ZDHHC7: variants seen among roughly 807,000 people sequenced by gnomAD.
The protein encoded by ZDHHC7 is zDHHC palmitoyltransferase 7.
ZDHHC7 carries 12 observed loss-of-function variants against 34.1 expected under a neutral mutation model. The observed-to-expected ratio is 0.35, with a 90% CI of 0.23 to 0.57. The LOEUF (loss-of-function observed/expected upper bound fraction) is 0.57, where lower values mean the gene tolerates loss of function less well. Among genes scored for constraint, ZDHHC7 ranks in the 20% least tolerant of loss-of-function variants. The pLI is 0.84. For missense variants in ZDHHC7, 388 were observed against 402.7 expected (o/e 0.96, Z 0.31); for synonymous variants, 185 against 155.4 (o/e 1.19, Z -1.42).
intron 1 of ZDHHC7, among the ~76,000 whole-genome samples, chr16:85,001,203 C>G (rs6564091): frequency 0.63 from 95,598 of 151,886 alleles, 32,296 homozygotes; most frequent in African/African-American, 0.88. Context: ...GGGCGCGGTG[C>G]CTCATGCCCG....
chr16:85,014,882 T>C (rs1187424111), upstream of ZDHHC7, among the ~76,000 whole-genome samples: 2 of 152,040 alleles, frequency 1.3e-5, no homozygotes, highest in East Asian at 3.8e-4. Flanking sequence ...ATTGGTTCAG[T>C]CTGGAAAGGT....
Position 84,976,175 on chromosome 16 carries a change from T to G in ZDHHC7, c.*168A>C, listed in dbSNP as rs2072294301. The G allele has an allele frequency of 1.2e-6, 1 of 859,178 alleles. No individual in the cohort carries two copies. Among genetic ancestry groups the G allele is most frequent in the African/African-American group, 1.7e-5 (1 of 58,008 alleles). 53.2% of individuals were successfully genotyped at this position (859,178 alleles called of 1,614,324 possible). ...GTACAGGTGGGGACTGAGAGCCTCT[T>G]CCTCTGCCATCTGTGACTATAAATA... On this transcript the variant is annotated 3_prime_UTR_variant, in exon 8 of 8. Coordinates refer to ENST00000313732, the MANE Select transcript of ZDHHC7 (RefSeq NM_017740.3).
intron 2 of ZDHHC7, among the ~76,000 whole-genome samples, chr16:84,995,630 A>T (rs553157896): frequency 1.6e-4 from 24 of 149,984 alleles, no homozygotes; most frequent in Admixed American, 4.6e-4. Context: ...CATCTCAAAA[A>T]AAACAGACAA....
chr16:85,018,559 T>G, the ZDHHC7 span, among the ~76,000 whole-genome samples: 6 of 152,206 alleles, frequency 3.9e-5, no homozygotes, highest in South Asian at 1.2e-3. Context: ...GCAATTCTCC[T>G]GCCTCAGCCT....
rs1256933634 is a variant in ZDHHC7, at chr16:84,976,163, C to T, written c.*180G>A. 1 of 776,268 alleles carries T rather than the reference C, an allele frequency of 1.3e-6. No homozygotes were observed. Among genetic ancestry groups the T allele is most frequent in the East Asian group, 2.7e-5 (1 of 36,632 alleles). The allele number at this position is 776,268 out of a possible 1,614,324, so 48.1% of individuals were successfully genotyped here. On this transcript the variant is annotated 3_prime_UTR_variant, in exon 8 of 8. Transcript: ENST00000313732. Reference sequence around the variant, plus strand: ...CTTTCCGTTGTTGTACAGGTGGGGACTGAGAGCCTCTTCCTCTGCCATCTG... The same window carrying T: ...CTTTCCGTTGTTGTACAGGTGGGGATTGAGAGCCTCTTCCTCTGCCATCTG...
intron 1 of ZDHHC7, among the ~76,000 whole-genome samples, chr16:84,997,362 G>A (rs1367982144): frequency 1.4e-5 from 2 of 145,466 alleles, no homozygotes; most frequent in African/African-American, 2.5e-5. Flanking sequence ...TCCACCTCCC[G>A]GGTTCACGCC....
At chr16:85,004,418 T>C (rs951294190) in intron 1 of ZDHHC7, among the ~76,000 whole-genome samples, 2 of 152,018 alleles carry the variant, frequency 1.3e-5, no homozygotes, top group Non-Finnish European at 2.9e-5. Flanking sequence ...CACCCAACAG[T>C]CCAGTCCCCC....
the ZDHHC7 span, among the ~76,000 whole-genome samples, chr16:85,018,213 T>G: frequency 0.14 from 21,185 of 152,036 alleles, 2,014 homozygotes; most frequent in East Asian, 0.31. Context: ...CCCTGGATTA[T>G]TCTTGTCTCA....
At position 84,990,570 on chromosome 16, in the gene ZDHHC7, G is replaced by A; in HGVS notation, c.49C>T (p.Leu17=). ...GAGTCATAGTTGTCATTTTCAGCCA[G>A]GAGAGGATGATGCTCGACGTCCCGG... is the stretch of plus-strand genomic sequence containing the variant. ...RLRDVEHHPL[L]AENDNYDSSS... is the part of the protein sequence containing the mutation. The change falls in exon 3 of 8, where the codon CTG becomes TTG. Residue 17 remains leucine, a synonymous_variant. Transcript: ENST00000313732. 1.2e-6 allele frequency: 2 copies of A among 1,614,124 alleles called. No individual in the cohort carries two copies. The highest frequency in any genetic ancestry group is 1.1e-5 in the South Asian group (1 of 91,082).
upstream of ZDHHC7, chr16:85,011,622 G>A (rs905541293): frequency 3.3e-5 from 5 of 152,236 alleles, no homozygotes; most frequent in African/African-American, 9.6e-5. Flanking sequence ...GGTTTGAGGG[G>A]ACCCGGAGGC....
At chr16:84,998,749 C>A (rs897066934) in intron 1 of ZDHHC7, among the ~76,000 whole-genome samples, 19 of 112,542 alleles carry the variant, frequency 1.7e-4, no homozygotes, top group South Asian at 2.9e-4. Context: ...CCTTCTGAAC[C>A]TTTTTTTTTT....
At chr16:84,992,251 C>G (rs912857314) in intron 2 of ZDHHC7, among the ~76,000 whole-genome samples, 1 of 151,766 alleles carries the variant, frequency 6.6e-6, no homozygotes. Flanking sequence ...CGGTGGATCA[C>G]GAGGTTACAA....
chr16:85,019,489 G>A, the ZDHHC7 span, among the ~76,000 whole-genome samples: 1,498 of 152,226 alleles, frequency 9.8e-3, 16 homozygotes, highest in Non-Finnish European at 0.018. Context: ...AGGCTGAGGC[G>A]GGCAGATCAC....
chr16:85,020,865 G>A, the ZDHHC7 span, among the ~76,000 whole-genome samples: 1 of 152,128 alleles, frequency 6.6e-6, no homozygotes, highest in Non-Finnish European at 1.5e-5. Context: ...AGCATTTTGG[G>A]AGGCTGAGCG....
chr16:85,014,825 T>C (rs2072827626), upstream of ZDHHC7, among the ~76,000 whole-genome samples: 1 of 152,180 alleles, frequency 6.6e-6, no homozygotes, highest in South Asian at 2.1e-4. Context: ...GTTTGGTTTT[T>C]GACATTTTAG....
intron 2 of ZDHHC7, among the ~76,000 whole-genome samples, chr16:84,994,806 T>C (rs978788062): frequency 4.6e-5 from 7 of 152,074 alleles, no homozygotes; most frequent in South Asian, 2.1e-4. Context: ...AACAGGAAAA[T>C]AACATGAAAT....
At chr16:84,997,273 T>C (rs1291132381) in intron 1 of ZDHHC7, among the ~76,000 whole-genome samples, 5 of 144,268 alleles carry the variant, frequency 3.5e-5, no homozygotes, top group African/African-American at 1.0e-4. Flanking sequence ...TTTCCTTTTT[T>C]TTTTTTTTTT....
At chr16:85,012,997 G>C (rs1443476959), upstream of ZDHHC7, among the ~76,000 whole-genome samples, 1 of 152,156 alleles carries the variant, frequency 6.6e-6, no homozygotes, top group African/African-American at 2.4e-5. Context: ...CAATTAAGAA[G>C]CGACAAATGC....
chr16:84,982,344 C>CA lies in ZDHHC7; in HGVS notation c.316-351dup, dbSNP rs34800588. ...TGGGCGACAGGGCAAGACTCCATCT[C>CA]AAAAAAAAAAAAAAAATCATATATT... is the stretch of plus-strand genomic sequence containing the variant. On this transcript the variant is annotated intron_variant, in intron 3 of 7. Transcript: ENST00000313732. Among the ~76,000 whole-genome samples the CA allele has an allele frequency of 5.7e-3, 631 of 111,090 alleles. 3 individuals are homozygous for CA. The highest frequency in any genetic ancestry group is 0.01 in the East Asian group (36 of 3,520). The allele number at this position is 111,090 out of a possible 152,430, so 72.9% of individuals were successfully genotyped here. A position where few individuals can be genotyped will look rare whatever the true frequency, so the allele number is the denominator to read the frequency against.
Sources: allele counts gnomAD v4.1 joint callset (sites outside exome capture counted in the v4.1 genomes callset), GRCh38; gene constraint gnomAD v4.1.1; transcripts MANE v1.5; gene names NCBI Gene and HGNC (gene_info 2026-07-23, HGNC 2026-07-21).